Variants in ATF7 observed in about 807,000 individuals in gnomAD.
The protein encoded by ATF7 is activating transcription factor 7.
ATF7 carries 10 observed loss-of-function variants against 50.4 expected under a neutral mutation model. The observed-to-expected ratio is 0.20, with a 90% CI of 0.12 to 0.34. The LOEUF is 0.34. Among genes scored for constraint, ATF7 ranks in the 10% least tolerant of loss-of-function variants. The pLI is 1.00. For synonymous variants in ATF7, 201 were observed against 226.4 expected (o/e 0.89, Z 1.01); for missense variants, 465 against 613.9 (o/e 0.76, Z 2.56).
At chr12:53,588,387 T>A (rs1216216838) in intron 2 of ATF7, among the ~76,000 whole-genome samples, 1 of 152,204 alleles carries the variant, frequency 6.6e-6, no homozygotes. Context: ...TATGTAGCCA[T>A]ATGCCAAAAA....
At chr12:53,609,608 G>A (rs571718893) in intron 1 of ATF7, among the ~76,000 whole-genome samples, 7 of 150,344 alleles carry the variant, frequency 4.7e-5, no homozygotes, top group Middle Eastern at 3.4e-3. Flanking sequence ...ATCACACCAC[G>A]GCACTCCAGC....
At chr12:53,563,423 C>A (rs146118177) in intron 2 of ATF7, among the ~76,000 whole-genome samples, 1 of 151,150 alleles carries the variant, frequency 6.6e-6, no homozygotes, top group African/African-American at 2.4e-5. Flanking sequence ...TGAGACCAGT[C>A]TGGGCAACAA....
chr12:53,601,630 C>A (rs1167707077), intron 1 of ATF7, among the ~76,000 whole-genome samples: 1 of 152,188 alleles, frequency 6.6e-6, no homozygotes, highest in East Asian at 1.9e-4. Context: ...CCCCACCAAT[C>A]GTCTGTGGCA....
intron 2 of ATF7, among the ~76,000 whole-genome samples, chr12:53,573,777 C>T (rs7133460): frequency 0.028 from 4,243 of 152,244 alleles, 195 homozygotes; most frequent in African/African-American, 0.097. Context: ...TAACCTGCTG[C>T]GGTTTTATCA....
At chr12:53,547,241 C>T (rs1939993582) in intron 3 of ATF7, among the ~76,000 whole-genome samples, 3 of 149,738 alleles carry the variant, frequency 2.0e-5, no homozygotes, top group African/African-American at 7.4e-5. Flanking sequence ...GCCTCAGTGT[C>T]CCAAAGTGCT....
At chr12:53,590,561 C>T (rs1565984048) in intron 2 of ATF7, among the ~76,000 whole-genome samples, 1 of 152,134 alleles carries the variant, frequency 6.6e-6, no homozygotes, top group Non-Finnish European at 1.5e-5. Flanking sequence ...TGTCCTTGCT[C>T]CTAACACCTA....
At chr12:53,519,849 C>T (rs1428271063) in intron 11 of ATF7, among the ~76,000 whole-genome samples, 5 of 152,056 alleles carry the variant, frequency 3.3e-5, no homozygotes, top group African/African-American at 9.7e-5. Flanking sequence ...TGGGTTCAAG[C>T]GATTCTCCTG....
chr12:53,550,331 AAAAT>A (rs200164879), intron 3 of ATF7, among the ~76,000 whole-genome samples: 17,946 of 122,988 alleles, frequency 0.15, 1,640 homozygotes, highest in East Asian at 0.5. Flanking sequence ...CTCAAAAAAA[AAAAT>A]AAATAAATAA....
Position 53,580,769 on chromosome 12 carries a change from C to T in ATF7, c.48+20184G>A, listed in dbSNP as rs1408940349. Among the ~76,000 whole-genome samples the T allele has an allele frequency of 2.7e-5, 4 of 150,650 alleles. No homozygotes were observed. In the South Asian group the frequency reaches 6.3e-4, roughly 24 times the overall value. ...GAAAGAAAGATATCAGGAATAAAGA[C>T]GAGCATTGCATAATGATAAAATGGT... On this transcript the variant is annotated intron_variant, in intron 2 of 11. Coordinates refer to ENST00000420353, the MANE Select transcript of ATF7 (RefSeq NM_006856.3).
chr12:53,510,349 T>G (rs1007130886), downstream of ATF7, among the ~76,000 whole-genome samples: 1 of 152,138 alleles, frequency 6.6e-6, no homozygotes, highest in African/African-American at 2.4e-5. Context: ...AGTTTACCAC[T>G]TCTTAAAAGG....
chr12:53,533,959 AAGT>A (rs1031958073), intron 6 of ATF7, among the ~76,000 whole-genome samples: 4 of 152,218 alleles, frequency 2.6e-5, no homozygotes. Context: ...TAGATTAAAG[AAGT>A]ATTAAACCCT....
chr12:53,592,672 G>A (rs1228903291), intron 2 of ATF7, among the ~76,000 whole-genome samples: 1 of 151,354 alleles, frequency 6.6e-6, no homozygotes, highest in Non-Finnish European at 1.5e-5. Flanking sequence ...AGCAAACAAA[G>A]AAAAAAAACC....
intron 9 of ATF7, among the ~76,000 whole-genome samples, chr12:53,527,656 C>T (rs2137355186): frequency 6.6e-6 from 1 of 151,812 alleles, no homozygotes. Context: ...TGGTGGTGCA[C>T]ACCTGTAATC....
intron 2 of ATF7, among the ~76,000 whole-genome samples, chr12:53,581,757 G>A (rs567337347): frequency 6.6e-6 from 1 of 151,834 alleles, no homozygotes; most frequent in Non-Finnish European, 1.5e-5. Context: ...AATAATCTAA[G>A]CTTCCACCTT....
intron 1 of ATF7, among the ~76,000 whole-genome samples, chr12:53,612,657 G>T (rs987540710): frequency 2.6e-5 from 4 of 152,110 alleles, no homozygotes; most frequent in South Asian, 2.1e-4. Flanking sequence ...GGGGGTTCAT[G>T]AAGGTTAAAT....
intron 1 of ATF7, among the ~76,000 whole-genome samples, chr12:53,613,551 T>C (rs948396256): frequency 3.9e-5 from 6 of 152,114 alleles, no homozygotes; most frequent in African/African-American, 1.2e-4. Flanking sequence ...GACAGGGTCT[T>C]ACTCTGTTGC....
At chr12:53,610,099 G>A (rs1463409228) in intron 1 of ATF7, among the ~76,000 whole-genome samples, 2 of 152,124 alleles carry the variant, frequency 1.3e-5, no homozygotes, top group South Asian at 2.1e-4. Context: ...TTACAGGCGT[G>A]AGCCACCGTG....
intron 1 of ATF7, among the ~76,000 whole-genome samples, chr12:53,622,472 T>A (rs1414733354): frequency 1.3e-5 from 2 of 151,422 alleles, no homozygotes; most frequent in Non-Finnish European, 2.9e-5. Flanking sequence ...TACAAAAAAT[T>A]AGTCAGGCAT....
chr12:53,546,768 C>G (rs1348952887), intron 3 of ATF7, among the ~76,000 whole-genome samples: 1 of 141,842 alleles, frequency 7.1e-6, no homozygotes, highest in Non-Finnish European at 1.5e-5. Context: ...TTTTTTTTTT[C>G]TTTTTTTGAG....
Sources: gnomAD v4.1 joint callset for allele counts (sites outside exome capture counted in the v4.1 genomes callset) on GRCh38, gnomAD v4.1.1 for gene constraint, MANE v1.5 for transcripts, NCBI Gene and HGNC (gene_info 2026-07-23, HGNC 2026-07-21) for gene names.